Variants in MET observed in about 807,000 individuals in gnomAD.
MET encodes hepatocyte growth factor receptor.
A neutral mutation model predicts 133.1 loss-of-function variants in MET; 48 were observed. The observed-to-expected ratio is 0.36, with a 90% CI of 0.29 to 0.46. MET has a LOEUF of 0.46. MET is among the 20% of genes least tolerant of loss of function. The pLI, the probability that MET is intolerant of heterozygous loss-of-function variation, is 1.00. For missense variants in MET, 1,442 were observed against 1,695.9 expected (o/e 0.85, Z 2.63); for synonymous variants, 628 against 616.5 (o/e 1.02, Z -0.28).
chr7:116,723,906 T>G (rs1367181978), intron 2 of MET, among the ~76,000 whole-genome samples: 1 of 152,250 alleles, frequency 6.6e-6, no homozygotes, highest in Admixed American at 6.5e-5. Context: ...CAGGGACATT[T>G]AAGTCTGCAG....
chr7:116,753,694 G>T (rs1266590447), intron 5 of MET, among the ~76,000 whole-genome samples: 1 of 152,000 alleles, frequency 6.6e-6, no homozygotes, highest in South Asian at 2.1e-4. Flanking sequence ...GCCCTCTCTG[G>T]TTCCGTTTTT....
chr7:116,733,213 T>C (rs1362413243), intron 3 of MET, among the ~76,000 whole-genome samples: 1 of 152,220 alleles, frequency 6.6e-6, no homozygotes, highest in Non-Finnish European at 1.5e-5. Context: ...GTTCTGTGTT[T>C]ATACATGTTT....
At chr7:116,723,769 G>C (rs1434486821) in intron 2 of MET, among the ~76,000 whole-genome samples, 2 of 151,426 alleles carry the variant, frequency 1.3e-5, no homozygotes, top group Non-Finnish European at 3.0e-5. Context: ...GCCCCTGCTG[G>C]GGGGTGCCTC....
chr7:116,786,923 T>C (rs1344153277), intron 19 of MET, among the ~76,000 whole-genome samples: 1 of 152,036 alleles, frequency 6.6e-6, no homozygotes, highest in Admixed American at 6.5e-5. Context: ...GAGGGAGAGG[T>C]GTGACCCCTA....
chr7:116,746,283 T>G (rs545282287), intron 5 of MET, among the ~76,000 whole-genome samples: 2 of 152,254 alleles, frequency 1.3e-5, no homozygotes, highest in African/African-American at 4.8e-5. Context: ...GGAAACAATA[T>G]GTGCTGGAGA....
chr7:116,713,553 A>C (rs927397966), intron 2 of MET, among the ~76,000 whole-genome samples: 2 of 152,132 alleles, frequency 1.3e-5, no homozygotes, highest in Non-Finnish European at 2.9e-5. Context: ...CTTGGTGTAG[A>C]TGCAGTGAGA....
chr7:116,688,968 T>C (rs1247227893), intron 1 of MET, among the ~76,000 whole-genome samples: 1 of 152,220 alleles, frequency 6.6e-6, no homozygotes, highest in Non-Finnish European at 1.5e-5. Context: ...AAACATTAAT[T>C]ATAACACATG....
At chr7:116,763,721 T>C (rs1562926053) in intron 11 of MET, among the ~76,000 whole-genome samples, 1 of 152,346 alleles carries the variant, frequency 6.6e-6, no homozygotes, top group East Asian at 1.9e-4. Context: ...TAAATGGAAC[T>C]AGATATCTGC....
At chr7:116,777,562 T>A in intron 16 of MET, 93 bp downstream of exon 16, 1 of 1,287,324 alleles carries the variant, frequency 7.8e-7, no homozygotes. Flanking sequence ...CACTTTCCCC[T>A]TGTGGAAAAA....
At position 116,699,480 on chromosome 7, in the gene MET, CTG is replaced by C; in HGVS notation, c.399_400del (p.Cys133TrpfsTer20). On this transcript the variant is annotated frameshift_variant, in exon 2 of 21. Coordinates refer to ENST00000397752, the MANE Select transcript of MET (RefSeq NM_000245.4). LOFTEE classifies it high-confidence loss of function. ...CCTACTATGATGATCAACTCATTAG[CTG>C]TGGCAGCGTCAACAGAGGGACCTGC... ...DTYYDDQLIS[C>X]GSVNRGTCQR... 6.2e-7 allele frequency: 1 copy of C among 1,614,028 alleles called. No homozygotes were observed. The highest frequency in any genetic ancestry group is 8.5e-7 in the Non-Finnish European group (1 of 1,179,932).
chr7:116,797,828 G>A lies in MET; in HGVS notation c.*1704G>A, dbSNP rs1795722503. The A allele has an allele frequency of 4.5e-6, 1 of 224,454 alleles. No individual in the cohort carries two copies. Among genetic ancestry groups the A allele is most frequent in the Admixed American group, 5.7e-5 (1 of 17,468 alleles). The allele number at this position is 224,454 out of a possible 1,614,324, so 13.9% of individuals were successfully genotyped here. On this transcript the variant is annotated 3_prime_UTR_variant, in exon 21 of 21. Transcript: ENST00000397752. ...ACATCATCAGGACTTGAAGCCAAGG[G>A]TTAACCCAGCAAGCTACAAAGAGGG...
chr7:116,678,380 G>C (rs1017877653), intron 1 of MET, among the ~76,000 whole-genome samples: 2 of 152,036 alleles, frequency 1.3e-5, no homozygotes, highest in Non-Finnish European at 2.9e-5. Context: ...CTCCTTAATA[G>C]TTGGAATTCT....
rs1387065415 is a variant in MET at position 116,700,037 on chromosome 7, A to G, written c.953A>G (p.Gln318Arg). Residue 318 changes from glutamine (Q) to arginine (R), a missense_variant, in exon 2 of 21, where the codon CAG becomes CGG. This residue lies in a region of MET where 762 missense variants were observed against 792.4 expected (regional missense o/e 0.96). Transcript: ENST00000397752. ...STKKEVFNIL[Q>R]AAYVSKPGAQ... ...AAGAAGGAAGTGTTTAATATACTTC[A>G]GGCTGCGTATGTCAGCAAGCCTGGG... 1 of 1,614,046 alleles carries G rather than the reference A, an allele frequency of 6.2e-7. No individual in the cohort carries two copies. Among genetic ancestry groups the G allele is most frequent in the South Asian group, 1.1e-5 (1 of 91,076 alleles).
chr7:116,762,944 TCAAAAA>T, intron 10 of MET, 100 bp from the exon 11 acceptor site: 2 of 976,544 alleles, frequency 2.0e-6, no homozygotes, highest in Admixed American at 1.9e-5. Flanking sequence ...ACAGATTTTT[TCAAAAA>T]TTATATATTT....
intron 1 of MET, among the ~76,000 whole-genome samples, chr7:116,679,736 A>C (rs948470900): frequency 4.6e-5 from 7 of 152,158 alleles, no homozygotes; most frequent in Non-Finnish European, 2.9e-5. Context: ...CACATCTTTG[A>C]ACTCTATTGT....
At chr7:116,785,458 A>G (rs1378061865) in intron 19 of MET, among the ~76,000 whole-genome samples, 1 of 152,146 alleles carries the variant, frequency 6.6e-6, no homozygotes, top group Non-Finnish European at 1.5e-5. Flanking sequence ...AGGTGGTGAC[A>G]AGCTTTCACC....
chr7:116,719,726 G>C (rs1449398596), intron 2 of MET, among the ~76,000 whole-genome samples: 1 of 152,042 alleles, frequency 6.6e-6, no homozygotes, highest in Non-Finnish European at 1.5e-5. Flanking sequence ...AGTTTTCCCA[G>C]CACCATTTAT....
chr7:116,776,765 T>C (rs186153186), intron 15 of MET, among the ~76,000 whole-genome samples: 7 of 152,264 alleles, frequency 4.6e-5, no homozygotes, highest in East Asian at 1.9e-4. Flanking sequence ...AAGGCTACCA[T>C]TGGGAAAATG....
intron 1 of MET, among the ~76,000 whole-genome samples, chr7:116,684,153 A>G (rs1416195351): frequency 1.3e-5 from 2 of 152,202 alleles, no homozygotes; most frequent in Admixed American, 1.3e-4. Flanking sequence ...GGTTTATGAT[A>G]CCCAGATAGA....
Sources: gnomAD v4.1 joint callset for allele counts (sites outside exome capture counted in the v4.1 genomes callset) on GRCh38, gnomAD v4.1.1 for gene constraint, gnomAD v4.1.1 regional missense constraint, MANE v1.5 for transcripts, NCBI Gene and HGNC (gene_info 2026-07-23, HGNC 2026-07-21) for gene names.